Variants in ZSCAN2 observed in about 807,000 individuals in gnomAD.
ZSCAN2 encodes the protein zinc finger and SCAN domain-containing protein 2.
A neutral mutation model predicts 47.8 loss-of-function variants in ZSCAN2; 26 were observed. The ratio of observed to expected loss-of-function variants is 0.54; its 90% confidence interval spans 0.40 to 0.75. The LOEUF is 0.75. Ranked by LOEUF, ZSCAN2 falls within the 30% of genes least tolerant of loss-of-function variation. The pLI is 0.00. For missense variants in ZSCAN2, 732 were observed against 785.4 expected (o/e 0.93, Z 0.81); for synonymous variants, 305 against 288.7 (o/e 1.06, Z -0.57).
intron 2 of ZSCAN2, among the ~76,000 whole-genome samples, chr15:84,607,666 G>A (rs1021086842): frequency 6.6e-6 from 1 of 152,048 alleles, no homozygotes; most frequent in East Asian, 1.9e-4. Context: ...GTGCTACCGT[G>A]CCCAGCTAAT....
At chr15:84,609,013 C>G (rs1278246669) in intron 2 of ZSCAN2, among the ~76,000 whole-genome samples, 3 of 152,210 alleles carry the variant, frequency 2.0e-5, no homozygotes, top group South Asian at 2.1e-4. Context: ...TCTTGTCCAA[C>G]AGTTGAGTGA....
At position 84,622,055 on chromosome 15, in the gene ZSCAN2, A is replaced by G; in HGVS notation, c.*15A>G. 1.3e-6 allele frequency: 2 copies of G among 1,578,856 alleles called. No individual in the cohort carries two copies. The highest frequency in any genetic ancestry group is 2.2e-5 in the East Asian group (1 of 44,634). ...AACTTTATTGAAGTGGCAAAGAGTG[A>G]AAGTGAGGGACTGGCCTGGAGTGGG... On this transcript the variant is annotated 3_prime_UTR_variant, in exon 3 of 3. Transcript: ENST00000546148.
In ZSCAN2 at chr15:84,603,820, C is replaced by T. The variant is rs1475495297; in HGVS notation, c.-108C>T. On this transcript the variant is annotated splice_region_variant and 5_prime_UTR_variant, in exon 2 of 3. Transcript: ENST00000546148. ...TATGGTTCTCTTTTTTGTTTCTCAG[C>T]GGGACTACTTGTTGATATTTGAGGA... The T allele has an allele frequency of 1.4e-5, 18 of 1,307,898 alleles. No individual in the cohort carries two copies. The highest frequency in any genetic ancestry group is 7.0e-5 in the East Asian group (3 of 42,610). 81.0% of individuals were successfully genotyped at this position (1,307,898 alleles called of 1,614,324 possible).
intron 2 of ZSCAN2, chr15:84,612,031 T>C (rs1202414215): frequency 6.6e-6 from 1 of 152,268 alleles, no homozygotes; most frequent in Non-Finnish European, 1.5e-5. Flanking sequence ...ATTTTCTTAA[T>C]TGGCCACCAA....
At chr15:84,619,927 GTT>G (rs1179673185) in intron 2 of ZSCAN2, among the ~76,000 whole-genome samples, 2 of 72,876 alleles carry the variant, frequency 2.7e-5, no homozygotes, top group Admixed American at 1.2e-4. Flanking sequence ...GCCTGGGTTG[GTT>G]TTTTTTTTTT....
intron 2 of ZSCAN2, among the ~76,000 whole-genome samples, chr15:84,614,117 A>G (rs974460491): frequency 6.7e-6 from 1 of 149,580 alleles, no homozygotes; most frequent in Non-Finnish European, 1.5e-5. Flanking sequence ...CAGGTTCCTG[A>G]GTAGCTGGGA....
At position 84,604,024 on chromosome 15, in the gene ZSCAN2, A is replaced by G. The variant is rs764708631; in HGVS notation, c.97A>G (p.Met33Val). ...EDRQEEEVTT[M>V]ILEDDSWVQE... ...TAGACAGGAGGAGGAGGTCACCACCATGATCCTGGAGGATGACTCCTGGGT... is the reference window on the plus strand; with the variant it reads ...TAGACAGGAGGAGGAGGTCACCACCGTGATCCTGGAGGATGACTCCTGGGT... Residue 33 changes from methionine to valine, a missense_variant, in exon 2 of 3, where the codon ATG (methionine) becomes GTG (valine). Transcript: ENST00000546148. 4.3e-6 allele frequency: 7 copies of G among 1,614,008 alleles called. No individual in the cohort carries two copies. In the East Asian group the frequency reaches 1.3e-4, roughly 31 times the overall value.
chr15:84,622,527 G>T lies in ZSCAN2; in HGVS notation c.*487G>T, dbSNP rs1895838981. ...TTAGTGTTCCAGGGCACCCCAAGCT[G>T]TCAGTTAGAATCTGCTCTTCTGGCT... On this transcript the variant is annotated 3_prime_UTR_variant, in exon 3 of 3. Coordinates refer to ENST00000546148, the MANE Select transcript of ZSCAN2 (RefSeq NM_181877.4). The T allele has an allele frequency of 7.2e-6, 5 of 689,818 alleles. No individual in the cohort carries two copies. The highest frequency in any genetic ancestry group is 1.3e-5 in the Non-Finnish European group (5 of 371,398). 42.7% of individuals were successfully genotyped at this position (689,818 alleles called of 1,614,324 possible). A position where few individuals can be genotyped will look rare whatever the true frequency, so the allele number is the denominator to read the frequency against.
At chr15:84,606,806 G>C in intron 2 of ZSCAN2, 1 of 1,293,124 alleles carries the variant, frequency 7.7e-7, no homozygotes, top group Non-Finnish European at 9.8e-7. Context: ...CAGACACATG[G>C]GTTTGTCTGT....
At chr15:84,614,429 T>C (rs990374670) in intron 2 of ZSCAN2, 23 of 152,090 alleles carry the variant, frequency 1.5e-4, no homozygotes, top group African/African-American at 5.6e-4. Context: ...CAACCCCAGT[T>C]TTGGTTAGAA....
intron 2 of ZSCAN2, among the ~76,000 whole-genome samples, chr15:84,607,868 T>C (rs1285068685): frequency 6.6e-6 from 1 of 152,022 alleles, no homozygotes; most frequent in African/African-American, 2.4e-5. Context: ...AAAATCCCAG[T>C]TGTTCTTTGA....
intron 2 of ZSCAN2, among the ~76,000 whole-genome samples, chr15:84,618,602 C>T (rs1012143118): frequency 5.3e-5 from 8 of 150,720 alleles, no homozygotes; most frequent in African/African-American, 2.0e-4. Context: ...GGCTCTGTTG[C>T]CCAGGCCGGA....
At chr15:84,612,769 C>T (rs1461916231) in intron 2 of ZSCAN2, among the ~76,000 whole-genome samples, 1 of 151,774 alleles carries the variant, frequency 6.6e-6, no homozygotes, top group Non-Finnish European at 1.5e-5. Flanking sequence ...GACATTGTAA[C>T]CAAAATTGGG....
chr15:84,611,137 CA>C (rs1253002003), intron 2 of ZSCAN2, among the ~76,000 whole-genome samples: 1 of 150,750 alleles, frequency 6.6e-6, no homozygotes, highest in Non-Finnish European at 1.5e-5. Context: ...ACGAAAAATA[CA>C]AAAAAAATTA....
At chr15:84,605,365 G>GAAGGGAGC (rs1389732595) in intron 2 of ZSCAN2, among the ~76,000 whole-genome samples, 1 of 152,186 alleles carries the variant, frequency 6.6e-6, no homozygotes, top group Admixed American at 6.5e-5. Flanking sequence ...GAAGTTCAGA[G>GAAGGGAGC]AAGGGAGCGT....
rs1327832431 is a variant in ZSCAN2 at position 84,621,814 on chromosome 15, G to T, written c.1619G>T (p.Ser540Ile). The T allele has an allele frequency of 6.2e-7, 1 of 1,614,116 alleles. No homozygotes were observed. The highest frequency in any genetic ancestry group is 8.5e-7 in the Non-Finnish European group (1 of 1,180,048). ...TGCCTCATGTGCGGCAAGAGCTTCA[G>T]CCGGGGCTCCATTCTGGTCATGCAC... ...YKCLMCGKSF[S>I]RGSILVMHQR... The change falls in exon 3 of 3, where the codon AGC (serine) becomes ATC (isoleucine). Residue 540 changes from serine (S) to isoleucine (I), a missense_variant. By Grantham distance (142) the Ser-to-Ile change is moderately radical. Coordinates refer to ENST00000546148, the MANE Select transcript of ZSCAN2 (RefSeq NM_181877.4). This position sits in a 1 kb window ranked among gnomAD's most constrained non-coding sequence, Gnocchi z 5.7.
intron 2 of ZSCAN2, chr15:84,616,244 TAAATA>T: frequency 1.1e-6 from 1 of 893,142 alleles, no homozygotes; most frequent in Non-Finnish European, 1.9e-6. Context: ...CTCAAAAAAA[TAAATA>T]AATAAATACC....
At chr15:84,608,992 T>C (rs1895465620) in intron 2 of ZSCAN2, among the ~76,000 whole-genome samples, 1 of 152,224 alleles carries the variant, frequency 6.6e-6, no homozygotes, top group African/African-American at 2.4e-5. Flanking sequence ...GGTTATCAAC[T>C]TCAAGCCTAC....
At chr15:84,620,489 A>T (rs184982734) in intron 2 of ZSCAN2, 113 bp from the exon 3 acceptor site, 2 of 907,002 alleles carry the variant, frequency 2.2e-6, no homozygotes, top group East Asian at 2.4e-5. Context: ...AGGATTTTCT[A>T]GCCTCTTTGT....
Sources: gnomAD v4.1 joint callset for allele counts (sites outside exome capture counted in the v4.1 genomes callset) on GRCh38, gnomAD v4.1.1 for gene constraint, Gnocchi (gnomAD v3.1) non-coding constraint, MANE v1.5 for transcripts, NCBI Gene and HGNC (gene_info 2026-07-23, HGNC 2026-07-21) for gene names.